The following TAAR5 variants were observed in gnomAD, a reference collection of about 807,000 sequenced individuals.
TAAR5 encodes trace amine associated receptor 5.
TAAR5 carries 27 observed loss-of-function variants against 21.1 expected under a neutral mutation model. The ratio of observed to expected loss-of-function variants is 1.28; its 90% CI spans 0.94 to 1.76. The LOEUF (loss-of-function observed/expected upper bound fraction) is 1.76, where lower values mean the gene tolerates loss of function less well. Ranked by LOEUF, TAAR5 falls within the 40% of genes most tolerant of loss-of-function variation. TAAR5 has a pLI of 0.00. For synonymous variants in TAAR5, 203 were observed against 167.5 expected (o/e 1.21, Z -1.64); for missense variants, 495 against 405.6 (o/e 1.22, Z -1.89).
At chr6:132,597,241 A>G in the TAAR5 span, among the ~76,000 whole-genome samples, 12 of 152,212 alleles carry the variant, frequency 7.9e-5, no homozygotes, top group African/African-American at 2.7e-4. Flanking sequence ...GTTACATATA[A>G]TAAGGAAATG....
the TAAR5 span, chr6:132,608,296 A>G: frequency 1.8e-5 from 8 of 443,294 alleles, no homozygotes; most frequent in African/African-American, 1.4e-4. Flanking sequence ...GGAGCTAAAT[A>G]TTTTTCCTGA....
chr6:132,590,184 C>A (rs1453694724), upstream of TAAR5, among the ~76,000 whole-genome samples: 2 of 152,160 alleles, frequency 1.3e-5, no homozygotes, highest in African/African-American at 2.4e-5. Flanking sequence ...AAAAGTGTAA[C>A]TTCTAGCTTC....
chr6:132,613,922 A>C, the TAAR5 span, among the ~76,000 whole-genome samples: 5 of 152,342 alleles, frequency 3.3e-5, no homozygotes, highest in South Asian at 1.0e-3. Context: ...TGGGCAAAGA[A>C]CTTAACAATT....
chr6:132,615,899 C>T, the TAAR5 span, among the ~76,000 whole-genome samples: 1 of 151,784 alleles, frequency 6.6e-6, no homozygotes, highest in Admixed American at 6.6e-5. Context: ...CACACACACA[C>T]ACACACACAC....
chr6:132,614,270 A>C, the TAAR5 span, among the ~76,000 whole-genome samples: 334 of 152,318 alleles, frequency 2.2e-3, 1 homozygote, highest in African/African-American at 7.9e-3. Context: ...TGAAATACCT[A>C]ACTACATTTA....
Position 132,589,059 on chromosome 6 carries a change from C to A in TAAR5, c.628G>T (p.Val210Phe). Residue 210 changes from valine (V) to phenylalanine (F), a missense_variant, in exon 1 of 1, where the codon GTC becomes TTC. By Grantham distance (50) the Val-to-Phe change is conservative (BLOSUM62 -1). Transcript: ENST00000258034. ...WGWLNFPLFFVPCLIMISLYV... is the reference protein window; with the variant it reads ...WGWLNFPLFFFPCLIMISLYV... ...AAGCTGATCATAATGAGGCAGGGGA[C>A]AAAGAACAAAGGGAAGTTTAACCAG... 1 of 1,614,022 alleles carries A rather than the reference C, an allele frequency of 6.2e-7. No individual in the cohort carries two copies. The highest frequency in any genetic ancestry group is 8.5e-7 in the Non-Finnish European group (1 of 1,179,988).
At chr6:132,590,606 A>T (rs192767232), upstream of TAAR5, among the ~76,000 whole-genome samples, 21 of 152,292 alleles carry the variant, frequency 1.4e-4, no homozygotes, top group African/African-American at 4.8e-4. Context: ...GCAATTAGTT[A>T]ACGATTTTAT....
At chr6:132,603,961 C>T in the TAAR5 span, among the ~76,000 whole-genome samples, 1 of 151,750 alleles carries the variant, frequency 6.6e-6, no homozygotes, top group Admixed American at 6.6e-5. Flanking sequence ...ATAACTTCTG[C>T]TTATAAGTTA....
upstream of TAAR5, chr6:132,594,643 T>C (rs1426442306): frequency 6.6e-6 from 1 of 152,232 alleles, no homozygotes; most frequent in Non-Finnish European, 1.5e-5. Flanking sequence ...CTCCCATGAC[T>C]ATGCCTAAGG....
the TAAR5 span, among the ~76,000 whole-genome samples, chr6:132,607,733 G>A: frequency 0.061 from 9,218 of 152,158 alleles, 561 homozygotes; most frequent in African/African-American, 0.16. Context: ...TAACTGAATA[G>A]TTTGTAAAAA....
upstream of TAAR5, among the ~76,000 whole-genome samples, chr6:132,591,440 T>G (rs988097881): frequency 6.6e-6 from 1 of 152,172 alleles, no homozygotes; most frequent in Non-Finnish European, 1.5e-5. Flanking sequence ...CACCTCTCCT[T>G]TCTCTACAAA....
the TAAR5 span, among the ~76,000 whole-genome samples, chr6:132,612,942 T>C: frequency 2.4e-4 from 37 of 152,176 alleles, no homozygotes; most frequent in African/African-American, 7.2e-4. Flanking sequence ...AGTCACGACA[T>C]TTAAGCAACC....
chr6:132,594,463 C>T (rs1468793700), upstream of TAAR5: 1 of 152,198 alleles, frequency 6.6e-6, no homozygotes, highest in Admixed American at 6.5e-5. Flanking sequence ...CAATCATCCT[C>T]AATGCCTTGC....
At chr6:132,613,389 C>T in the TAAR5 span, among the ~76,000 whole-genome samples, 1 of 152,192 alleles carries the variant, frequency 6.6e-6, no homozygotes, top group Non-Finnish European at 1.5e-5. Flanking sequence ...TGCTTTTCCT[C>T]ATAAAAATTA....
chr6:132,597,495 A>G, the TAAR5 span, among the ~76,000 whole-genome samples: 1 of 152,210 alleles, frequency 6.6e-6, no homozygotes, highest in Non-Finnish European at 1.5e-5. Flanking sequence ...AGTTTTGTTT[A>G]TTATTTAAAA....
chr6:132,598,079 T>C, the TAAR5 span, among the ~76,000 whole-genome samples: 1 of 152,180 alleles, frequency 6.6e-6, no homozygotes, highest in Non-Finnish European at 1.5e-5. Flanking sequence ...GGACGTATCA[T>C]ACCTGCTTTA....
the TAAR5 span, among the ~76,000 whole-genome samples, chr6:132,598,651 T>C: frequency 1.3e-5 from 2 of 152,292 alleles, no homozygotes; most frequent in East Asian, 3.9e-4. Flanking sequence ...AGGGGCAGTG[T>C]CCTATGTCCT....
chr6:132,598,876 G>C, the TAAR5 span, among the ~76,000 whole-genome samples: 1 of 152,142 alleles, frequency 6.6e-6, no homozygotes, highest in African/African-American at 2.4e-5. Context: ...AGAGAAGAAG[G>C]ATGGGAGAGA....
upstream of TAAR5, among the ~76,000 whole-genome samples, chr6:132,593,130 A>G (rs1776929605): frequency 1.3e-5 from 2 of 152,146 alleles, no homozygotes; most frequent in Non-Finnish European, 2.9e-5. Context: ...TGACTCTAAT[A>G]GAGGCTCTGG....
Sources: gnomAD v4.1 joint callset for allele counts (sites outside exome capture counted in the v4.1 genomes callset) on GRCh38, gnomAD v4.1.1 for gene constraint, MANE v1.5 for transcripts, NCBI Gene and HGNC (gene_info 2026-07-23, HGNC 2026-07-21) for gene names.